Variants in SLC4A4 observed in about 807,000 individuals in gnomAD.
The protein encoded by SLC4A4 is electrogenic sodium bicarbonate cotransporter 1.
A neutral mutation model predicts 111.5 loss-of-function variants in SLC4A4; 27 were observed. That is an observed-to-expected ratio of 0.24 (90% CI 0.18 to 0.33). The LOEUF (loss-of-function observed/expected upper bound fraction) is 0.33. Among genes scored for constraint, SLC4A4 ranks in the 10% least tolerant of loss-of-function variants. The probability of loss-of-function intolerance (pLI) is 1.00; values close to 1 mark genes in which losing one functional copy is unlikely to be tolerated. For missense variants in SLC4A4, 909 were observed against 1,315.5 expected (o/e 0.69, Z 4.78); for synonymous variants, 443 against 463.4 (o/e 0.96, Z 0.57).
intron 3 of SLC4A4, among the ~76,000 whole-genome samples, chr4:71,280,089 C>T (rs944343973): frequency 3.9e-5 from 6 of 152,158 alleles, no homozygotes; most frequent in African/African-American, 1.4e-4. Context: ...CCACCCTGCC[C>T]GGCCAATCTT....
intron 3 of SLC4A4, among the ~76,000 whole-genome samples, chr4:71,317,797 C>T (rs1288328526): frequency 6.6e-6 from 1 of 151,840 alleles, no homozygotes; most frequent in Non-Finnish European, 1.5e-5. Flanking sequence ...TCTAGATCTC[C>T]CCACTACTAG....
At chr4:71,176,572 G>T (rs1023596754) in intron 2 of SLC4A4, among the ~76,000 whole-genome samples, 1 of 152,144 alleles carries the variant, frequency 6.6e-6, no homozygotes, top group Non-Finnish European at 1.5e-5. Flanking sequence ...TGGAAGAAAG[G>T]GTATCAGTGA....
chr4:71,196,179 G>A (rs960943388), intron 1 of SLC4A4, among the ~76,000 whole-genome samples: 2 of 152,208 alleles, frequency 1.3e-5, no homozygotes, highest in African/African-American at 2.4e-5. Flanking sequence ...TCTGTCCTTA[G>A]GAATGTGAGA....
chr4:71,495,087 T>C (rs1730282006), intron 15 of SLC4A4, among the ~76,000 whole-genome samples: 2 of 152,192 alleles, frequency 1.3e-5, no homozygotes, highest in East Asian at 3.9e-4. Context: ...ATTTGGAGAC[T>C]CAAGTTTCTG....
intron 1 of SLC4A4, chr4:71,233,426 C>A: frequency 5.7e-6 from 2 of 352,556 alleles, no homozygotes; most frequent in Admixed American, 6.4e-5. Flanking sequence ...CCTTTTGTCA[C>A]TTCCTTGACA....
At chr4:71,320,585 C>T (rs1167852782) in intron 3 of SLC4A4, among the ~76,000 whole-genome samples, 1 of 152,000 alleles carries the variant, frequency 6.6e-6, no homozygotes, top group African/African-American at 2.4e-5. Context: ...AATGCGTAAT[C>T]TCTACTTTAC....
rs1176320345 is a variant in SLC4A4 at position 71,472,812 on chromosome 4, G to A, written c.1745G>A (p.Arg582His). ...AGCTTCTTGGTTCAATACTTCACAC[G>A]TTTCACGGAGGAGGGCTTTTCCTCT... Reference protein sequence around the residue: ...DASFLVQYFTRFTEEGFSSLI... With the variant: ...DASFLVQYFTHFTEEGFSSLI... Residue 582 changes from arginine (R) to histidine (H), a missense_variant, in exon 14 of 26, where the codon CGT (arginine) becomes CAT (histidine). Arg to His is a conservative substitution (Grantham distance 29, BLOSUM62 0). This residue lies in a region of SLC4A4 where 264 missense variants were observed against 356.8 expected (regional missense o/e 0.74). Coordinates refer to ENST00000264485, the MANE Select transcript of SLC4A4 (RefSeq NM_001098484.3). 1 of 1,612,808 alleles carries A rather than the reference G, an allele frequency of 6.2e-7. No individual in the cohort carries two copies. The highest frequency in any genetic ancestry group is 8.5e-7 in the Non-Finnish European group (1 of 1,179,330).
chr4:71,310,834 A>G (rs1484401161), intron 3 of SLC4A4, among the ~76,000 whole-genome samples: 1 of 152,224 alleles, frequency 6.6e-6, no homozygotes, highest in East Asian at 1.9e-4. Context: ...ACATAACAAT[A>G]TTAACCTTAA....
intron 2 of SLC4A4, among the ~76,000 whole-genome samples, chr4:71,117,928 G>A (rs1743316038): frequency 6.7e-6 from 1 of 148,558 alleles, no homozygotes; most frequent in Non-Finnish European, 1.5e-5. Flanking sequence ...CCAGGCTGGA[G>A]TGTGGTGGTG....
chr4:71,292,807 C>G (rs1377173051), intron 3 of SLC4A4, among the ~76,000 whole-genome samples: 3 of 148,380 alleles, frequency 2.0e-5, no homozygotes, highest in Non-Finnish European at 4.4e-5. Context: ...GTTATGATCA[C>G]ATAGTGTGAG....
chr4:71,546,753 T>A (rs1735563581), intron 19 of SLC4A4, among the ~76,000 whole-genome samples: 1 of 152,032 alleles, frequency 6.6e-6, no homozygotes, highest in African/African-American at 2.4e-5. Context: ...AAAGGCTAAA[T>A]GTTGCAATAT....
At chr4:71,481,815 T>C (rs10518088) in intron 14 of SLC4A4, among the ~76,000 whole-genome samples, 1 of 151,680 alleles carries the variant, frequency 6.6e-6, no homozygotes, top group Admixed American at 6.6e-5. Context: ...GAAAGAGATA[T>C]GAAAATCCAA....
At chr4:71,450,236 C>CG (rs978632134) in intron 9 of SLC4A4, among the ~76,000 whole-genome samples, 153 bp from the exon 10 acceptor site, 1 of 152,074 alleles carries the variant, frequency 6.6e-6, no homozygotes, top group Non-Finnish European at 1.5e-5. Context: ...CCTATATTTT[C>CG]GGGGGGCAGG....
intron 2 of SLC4A4, among the ~76,000 whole-genome samples, chr4:71,104,645 C>T (rs1401611834): frequency 1.0e-4 from 4 of 39,256 alleles, no homozygotes; most frequent in East Asian, 1.7e-3. Flanking sequence ...TGTAATCCAG[C>T]ATATAAACAG....
chr4:71,461,715 C>T (rs1726844645), intron 12 of SLC4A4, among the ~76,000 whole-genome samples: 1 of 152,030 alleles, frequency 6.6e-6, no homozygotes, highest in Admixed American at 6.6e-5. Flanking sequence ...TTTTACTATT[C>T]TGGGACTTGT....
chr4:71,371,710 CT>C (rs1301387889), intron 6 of SLC4A4, among the ~76,000 whole-genome samples: 3 of 152,284 alleles, frequency 2.0e-5, no homozygotes, highest in African/African-American at 4.8e-5. Context: ...CATATATTGT[CT>C]TACGTTGTTC....
chr4:71,092,002 A>T (rs1303631559), intron 1 of SLC4A4, among the ~76,000 whole-genome samples: 1 of 152,226 alleles, frequency 6.6e-6, no homozygotes, highest in Non-Finnish European at 1.5e-5. Context: ...AATAAAATGT[A>T]GTGGCCATCT....
intron 12 of SLC4A4, among the ~76,000 whole-genome samples, chr4:71,454,047 G>C (rs1725997562): frequency 2.6e-5 from 4 of 152,326 alleles, no homozygotes; most frequent in Admixed American, 2.6e-4. Flanking sequence ...CTTTGGGAAT[G>C]TATGATTAGC....
intron 16 of SLC4A4, among the ~76,000 whole-genome samples, chr4:71,509,057 TTA>T (rs1405912306): frequency 1.3e-5 from 2 of 152,158 alleles, no homozygotes; most frequent in Admixed American, 1.3e-4. Flanking sequence ...CAACATTCGT[TTA>T]TGTTAAAAAC....
Sources: allele counts gnomAD v4.1 joint callset (sites outside exome capture counted in the v4.1 genomes callset), GRCh38; gene constraint gnomAD v4.1.1; regional missense constraint gnomAD v4.1.1; transcripts MANE v1.5; gene names NCBI Gene and HGNC (gene_info 2026-07-23, HGNC 2026-07-21).